Variants in MTMR14 observed in about 807,000 individuals in gnomAD.
MTMR14 encodes myotubularin related protein 14.
A neutral mutation model predicts 86.3 loss-of-function variants in MTMR14; 48 were observed. That is an observed-to-expected ratio of 0.56 (90% confidence interval 0.44 to 0.71). The LOEUF is 0.71. Among genes scored for constraint, MTMR14 ranks in the 30% least tolerant of loss-of-function variants. The pLI, the probability that MTMR14 is intolerant of heterozygous loss-of-function variation, is 0.00. For synonymous variants in MTMR14, 366 were observed against 326.1 expected, an observed-to-expected ratio of 1.12 and a Z score of -1.32; for missense variants, 780 against 834.6, an observed-to-expected ratio of 0.93 and a Z score of 0.81.
intron 7 of MTMR14, among the ~76,000 whole-genome samples, chr3:9,674,608 A>G (rs748559165): frequency 2.0e-5 from 3 of 152,266 alleles, no homozygotes; most frequent in African/African-American, 7.2e-5. Flanking sequence ...GGAAACAGCG[A>G]CACTCTGTCT....
intron 10 of MTMR14, 118 bp from the exon 11 acceptor site, chr3:9,684,467 G>A: frequency 1.1e-6 from 1 of 929,242 alleles, no homozygotes; most frequent in African/African-American, 1.6e-5. Flanking sequence ...AGGCCACTGG[G>A]GAAGACAGAA....
chr3:9,678,851 G>T (rs17050512), intron 9 of MTMR14, among the ~76,000 whole-genome samples: 7,380 of 152,250 alleles, frequency 0.048, 201 homozygotes, highest in African/African-American at 0.088. Context: ...CTGCTTCCCT[G>T]AAATCCTGGA....
At chr3:9,688,445 C>G (rs1015272987) in intron 14 of MTMR14, among the ~76,000 whole-genome samples, 2 of 152,244 alleles carry the variant, frequency 1.3e-5, no homozygotes, top group Non-Finnish European at 2.9e-5. Flanking sequence ...CTTGAACGCT[C>G]AGGGCACAAG....
chr3:9,680,064 C>A (rs896882924), intron 9 of MTMR14, among the ~76,000 whole-genome samples: 4 of 152,194 alleles, frequency 2.6e-5, no homozygotes, highest in African/African-American at 9.7e-5. Context: ...ACACCATGAG[C>A]CCACAGCCAG....
At chr3:9,665,499 C>A (rs2048198175) in intron 3 of MTMR14, among the ~76,000 whole-genome samples, 1 of 152,036 alleles carries the variant, frequency 6.6e-6, no homozygotes, top group Non-Finnish European at 1.5e-5. Flanking sequence ...GAGGAGGAGG[C>A]AAGGGTTGAA....
At chr3:9,665,161 A>T (rs1488495451) in intron 3 of MTMR14, among the ~76,000 whole-genome samples, 1 of 152,038 alleles carries the variant, frequency 6.6e-6, no homozygotes, top group Non-Finnish European at 1.5e-5. Flanking sequence ...AGGCGCCTAT[A>T]ATCCCAGCTA....
In MTMR14 at chr3:9,701,598, G is replaced by T; in HGVS notation, c.1770-192G>T. On this transcript the variant is annotated intron_variant, in intron 18 of 18. Coordinates refer to ENST00000296003, the MANE Select transcript of MTMR14 (RefSeq NM_001077525.3). This position sits in a 1 kb window ranked among gnomAD's most constrained non-coding sequence, Gnocchi z 4.2. The stretch of plus-strand genomic sequence containing the variant: ...GGGAACAGTAGCCTGAGGGCTTAGA[G>T]GAATGGTTTAAGGGAAAACAGGGCC... 1 of 685,298 alleles carries T rather than the reference G, an allele frequency of 1.5e-6. No homozygotes were observed. The highest frequency in any genetic ancestry group is 2.6e-6 in the Non-Finnish European group (1 of 389,132). The allele number at this position is 685,298 out of a possible 1,614,324, so 42.5% of individuals were successfully genotyped here. A position where few individuals can be genotyped will look rare whatever the true frequency, so the allele number is the denominator to read the frequency against.
intron 11 of MTMR14, 102 bp from the exon 12 acceptor site, chr3:9,684,786 C>G: frequency 3.3e-6 from 5 of 1,537,910 alleles, no homozygotes; most frequent in Non-Finnish European, 9.0e-7. Flanking sequence ...TAACCCTGTC[C>G]TTCCGGGTGT....
At chr3:9,663,419 C>G (rs1387525865) in intron 3 of MTMR14, among the ~76,000 whole-genome samples, 1 of 142,666 alleles carries the variant, frequency 7.0e-6, no homozygotes, top group East Asian at 2.2e-4. Context: ...AATTGATCTT[C>G]TTAAAGCTGT....
In MTMR14 at chr3:9,702,393, A is replaced by C. The variant is rs1381374338; in HGVS notation, c.*420A>C. ...AAAATCAAAGTCTTTTTGAATAGCC[A>C]CTCTTGTGTCATCATTTGGTTATTG... is the stretch of plus-strand genomic sequence containing the variant. On this transcript the variant is annotated 3_prime_UTR_variant, in exon 19 of 19. Transcript: ENST00000296003. 1.4e-5 allele frequency: 4 copies of C among 276,418 alleles called. No individual in the cohort carries two copies. The highest frequency in any genetic ancestry group is 4.6e-5 in the Admixed American group (1 of 21,864). The allele number at this position is 276,418 out of a possible 1,614,324, so 17.1% of individuals were successfully genotyped here. A position where few individuals can be genotyped will look rare whatever the true frequency, so the allele number is the denominator to read the frequency against.
intron 17 of MTMR14, among the ~76,000 whole-genome samples, 134 bp from the exon 18 acceptor site, chr3:9,697,550 CGGTCACTACTTGTCCAGCTTTTTTTTT>C (rs1429092447): frequency 6.6e-6 from 1 of 152,142 alleles, no homozygotes; most frequent in Non-Finnish European, 1.5e-5. Flanking sequence ...TCTTTTTTCT[CGGTCACTACTTGTCCAGCTTTTTTTTT>C]TAGACTTTTG....
chr3:9,680,469 C>T (rs1349065550), intron 9 of MTMR14, among the ~76,000 whole-genome samples: 1 of 152,226 alleles, frequency 6.6e-6, no homozygotes, highest in Non-Finnish European at 1.5e-5. Context: ...CCATTTTCCT[C>T]AGAATACAAT....
intron 13 of MTMR14, among the ~76,000 whole-genome samples, chr3:9,686,141 TCTC>T (rs553059576): frequency 1.6e-3 from 239 of 152,276 alleles, no homozygotes; most frequent in African/African-American, 5.6e-3. Context: ...CAGCTGCTCC[TCTC>T]CTCTTCCAAA....
intron 17 of MTMR14, among the ~76,000 whole-genome samples, chr3:9,696,021 G>A (rs1236888053): frequency 1.3e-5 from 2 of 152,196 alleles, no homozygotes; most frequent in Non-Finnish European, 2.9e-5. Context: ...ACCATATCCC[G>A]TTCTCATCCC....
At chr3:9,685,370 CCT>C (rs1035869840) in intron 13 of MTMR14, 123 bp downstream of exon 13, 208 of 1,167,918 alleles carry the variant, frequency 1.8e-4, no homozygotes, top group East Asian at 4.7e-5. Flanking sequence ...GATGTGGCCC[CCT>C]GTCATCTCCT....
chr3:9,678,104 G>A, intron 9 of MTMR14, 46 bp downstream of exon 9: 1 of 1,595,934 alleles, frequency 6.3e-7, no homozygotes, highest in Non-Finnish European at 8.6e-7. Flanking sequence ...AGGGAGTGGT[G>A]ACCAAGGAGA....
chr3:9,686,492 C>T lies in MTMR14; in HGVS notation c.1164+1245C>T, dbSNP rs202183667. Among the ~76,000 whole-genome samples, 15 of 152,298 alleles carry T rather than the reference C, an allele frequency of 9.8e-5. No homozygotes were observed. The East Asian group carries it at 1.4e-3, about 14-fold the overall frequency. On this transcript the variant is annotated intron_variant, in intron 13 of 18. Coordinates refer to ENST00000296003, the MANE Select transcript of MTMR14 (RefSeq NM_001077525.3). ...TCTTCAGGACCTTTCTGTTACCCCC[C>T]CCAGACAATCCAGACACTGATGCGT... is the stretch of plus-strand genomic sequence containing the variant.
At chr3:9,660,904 CA>C (rs1434727050) in intron 2 of MTMR14, among the ~76,000 whole-genome samples, 1 of 152,158 alleles carries the variant, frequency 6.6e-6, no homozygotes, top group African/African-American at 2.4e-5. Context: ...CTGTTGCTAC[CA>C]GAAGCTCTGA....
intron 17 of MTMR14, among the ~76,000 whole-genome samples, chr3:9,691,235 C>A (rs2125334536): frequency 6.6e-6 from 1 of 152,340 alleles, no homozygotes; most frequent in Non-Finnish European, 1.5e-5. Flanking sequence ...AGTGCTGGAG[C>A]TGAGCCTGTG....
Sources: allele counts gnomAD v4.1 joint callset (sites outside exome capture counted in the v4.1 genomes callset), GRCh38; gene constraint gnomAD v4.1.1; non-coding constraint Gnocchi (gnomAD v3.1); transcripts MANE v1.5; gene names NCBI Gene and HGNC (gene_info 2026-07-23, HGNC 2026-07-21).